NCAPH2: variants seen among roughly 807,000 people sequenced by gnomAD.
The protein encoded by NCAPH2 is condensin-2 complex subunit H2.
In NCAPH2, 56 loss-of-function variants were observed where a neutral mutation model predicts 88.6. The ratio of observed to expected loss-of-function variants is 0.63; its 90% CI spans 0.51 to 0.79. The LOEUF is 0.79. Ranked by LOEUF, NCAPH2 falls within the 30% of genes least tolerant of loss-of-function variation. The pLI, the probability that NCAPH2 is intolerant of heterozygous loss-of-function variation, is 0.00. For synonymous variants in NCAPH2, 378 were observed against 313.6 expected (o/e 1.21, Z -2.17); for missense variants, 794 against 792.0 (o/e 1.00, Z -0.03).
intron 2 of NCAPH2, 92 bp from the exon 3 acceptor site, chr22:50,517,335 C>T (rs932223632): frequency 1.3e-4 from 182 of 1,349,684 alleles, no homozygotes; most frequent in Non-Finnish European, 1.9e-4. Flanking sequence ...TGGTGGTGGC[C>T]AGGCCTCGTG....
At chr22:50,519,503 G>A (rs918635124) in intron 9 of NCAPH2, 183 bp downstream of exon 9, 40 of 1,431,402 alleles carry the variant, frequency 2.8e-5, no homozygotes, top group Middle Eastern at 5.2e-4. Flanking sequence ...AGCAGCTTCT[G>A]TGTTCCTCCC....
At position 50,522,884 on chromosome 22, in the gene NCAPH2, G is replaced by T; in HGVS notation, c.1489G>T (p.Asp497Tyr). 1 of 1,613,394 alleles carries T rather than the reference G, an allele frequency of 6.2e-7. No individual in the cohort carries two copies. Among genetic ancestry groups the T allele is most frequent in the South Asian group, 1.1e-5 (1 of 91,082 alleles). Reference sequence around the variant, plus strand: ...GACAGAGCTGAGCCAGCGCATCAGGGACTGGGAGGACACAGTGCAGCCTCT... The same window carrying T: ...GACAGAGCTGAGCCAGCGCATCAGGTACTGGGAGGACACAGTGCAGCCTCT... Reference protein sequence around the residue: ...QETELSQRIRDWEDTVQPLLQ... With the variant: ...QETELSQRIRYWEDTVQPLLQ... Residue 497 changes from aspartate (D) to tyrosine (Y), a missense_variant, in exon 18 of 20, where the codon GAC (aspartate) becomes TAC (tyrosine). Asp to Tyr is a radical substitution (Grantham distance 160). Transcript: ENST00000420993.
intron 9 of NCAPH2, 75 bp downstream of exon 9, chr22:50,519,395 C>T: frequency 1.3e-6 from 2 of 1,584,808 alleles, no homozygotes; most frequent in African/African-American, 1.3e-5. Context: ...AGTCACCTTG[C>T]ACAAGGAGGA....
chr22:50,522,263 C>G lies in NCAPH2; in HGVS notation c.1233+12C>G. The G allele has an allele frequency of 6.2e-7, 1 of 1,612,642 alleles. No individual in the cohort carries two copies. The highest frequency in any genetic ancestry group is 8.5e-7 in the Non-Finnish European group (1 of 1,179,318). ...TGCAGAGGAGGGAGGCAAGTCCCAGCTGGTCAGCTGTGATCTAGGACCCCG... is the reference window on the plus strand; with the variant it reads ...TGCAGAGGAGGGAGGCAAGTCCCAGGTGGTCAGCTGTGATCTAGGACCCCG... On this transcript the variant is annotated intron_variant, in intron 14 of 19. Coordinates refer to ENST00000420993, the MANE Select transcript of NCAPH2 (RefSeq NM_152299.4).
intron 1 of NCAPH2, chr22:50,515,790 A>G: frequency 1.5e-6 from 2 of 1,301,730 alleles, no homozygotes; most frequent in Non-Finnish European, 2.0e-6. Context: ...GTATGGAAGT[A>G]AAGTGTTTGG....
At chr22:50,518,357 T>C (rs2068988697) in intron 7 of NCAPH2, 79 bp downstream of exon 7, 2 of 1,552,700 alleles carry the variant, frequency 1.3e-6, no homozygotes, top group Admixed American at 1.9e-5. Flanking sequence ...TGCCCTGTGC[T>C]TGCCACCTCT....
chr22:50,523,328 C>A lies in NCAPH2; in HGVS notation c.1771C>A (p.His591Asn). ...SLRLLTHQRA[H>N]KRFQTYAAPS... ...GAGACTGCTCACGCACCAGCGAGCG[C>A]ACAAGCGCTTCCAGACCTACGCTGC... is the stretch of plus-strand genomic sequence containing the variant. Residue 591 changes from histidine to asparagine, a missense_variant, in exon 20 of 20, where the codon CAC (histidine) becomes AAC (asparagine). His to Asn is a moderately conservative substitution (Grantham distance 68, BLOSUM62 1). Around this residue, in one of 2 missense-constraint regions of NCAPH2, gnomAD observed 735 missense variants for 696.3 expected, o/e 1.06. Transcript: ENST00000420993. 1 of 1,576,668 alleles carries A rather than the reference C, an allele frequency of 6.3e-7. No individual in the cohort carries two copies.
Position 50,522,933 on chromosome 22 carries a change from G to A in NCAPH2, c.1527+11G>A, listed in dbSNP as rs769045090. ...CTGCTCCAGGAGCAGGTGAGGCGGG[G>A]CCGCTGGGAACCAGAGCTGTGTGCC... On this transcript the variant is annotated intron_variant, in intron 18 of 19. Coordinates refer to ENST00000420993, the MANE Select transcript of NCAPH2 (RefSeq NM_152299.4). The A allele has an allele frequency of 6.2e-7, 1 of 1,612,566 alleles. No individual in the cohort carries two copies. Among genetic ancestry groups the A allele is most frequent in the Non-Finnish European group, 8.5e-7 (1 of 1,179,894 alleles).
intron 8 of NCAPH2, 50 bp from the exon 9 acceptor site, chr22:50,519,140 T>C (rs370602486): frequency 4.3e-5 from 65 of 1,497,424 alleles, no homozygotes; most frequent in Non-Finnish European, 5.6e-5. Context: ...TTTGGTGCCG[T>C]CTGGTCTCGG....
chr22:50,522,649 G>C, intron 16 of NCAPH2, 22 bp from the exon 17 acceptor site: 1 of 1,613,686 alleles, frequency 6.2e-7, no homozygotes, highest in Non-Finnish European at 8.5e-7. Flanking sequence ...TAGCTGCCCA[G>C]CTCACAGCTA....
chr22:50,523,130 C>T lies in NCAPH2; in HGVS notation c.1641C>T (p.Phe547=), dbSNP rs751011182. 1.4e-5 allele frequency: 23 copies of T among 1,613,454 alleles called. No homozygotes were observed. The highest frequency in any genetic ancestry group is 1.6e-4 in the Middle Eastern group (1 of 6,082). ...FAELVAGQPA[F]EVCRSMLASL... is the part of the protein sequence containing the mutation. Reference sequence around the variant, plus strand: ...AGCTGGTGGCTGGCCAGCCGGCCTTCGAGGTGTGTCGTTCCATGCTGGCCT... The same window carrying T: ...AGCTGGTGGCTGGCCAGCCGGCCTTTGAGGTGTGTCGTTCCATGCTGGCCT... Residue 547 remains phenylalanine (F), a synonymous_variant, in exon 19 of 20, where the codon TTC becomes TTT. Coordinates refer to ENST00000420993, the MANE Select transcript of NCAPH2 (RefSeq NM_152299.4).
Position 50,523,450 on chromosome 22 carries a change from A to C in NCAPH2, c.*75A>C. On this transcript the variant is annotated 3_prime_UTR_variant, in exon 20 of 20. Coordinates refer to ENST00000420993, the MANE Select transcript of NCAPH2 (RefSeq NM_152299.4). ...TGTCTGCTCCTGGCTGGCCCGGCCT[A>C]ATAAAGCAGTGTTGCCATCTCATCT... The C allele has an allele frequency of 6.6e-7, 1 of 1,525,346 alleles. No individual in the cohort carries two copies. Among genetic ancestry groups the C allele is most frequent in the Non-Finnish European group, 8.8e-7 (1 of 1,135,082 alleles). 94.5% of individuals were successfully genotyped at this position (1,525,346 alleles called of 1,614,324 possible). A position where few individuals can be genotyped will look rare whatever the true frequency, so the allele number is the denominator to read the frequency against.
rs767809670 is a variant in NCAPH2 at position 50,523,684 on chromosome 22, C to T, written c.*309C>T. ...TGAGATCTGCTCAGCCGATCTGCTC[C>T]GGCCGTAGTAATCCGTGAAGAGGCC... On this transcript the variant is annotated 3_prime_UTR_variant, in exon 20 of 20. Coordinates refer to ENST00000420993, the MANE Select transcript of NCAPH2 (RefSeq NM_152299.4). 26 of 1,614,006 alleles carry T rather than the reference C, an allele frequency of 1.6e-5. No homozygotes were observed. The highest frequency in any genetic ancestry group is 8.9e-5 in the East Asian group (4 of 44,898).
At position 50,524,365 on chromosome 22, in the gene NCAPH2, T is replaced by C. The variant is rs774783982; in HGVS notation, c.*990T>C. On this transcript the variant is annotated 3_prime_UTR_variant, in exon 20 of 20. Transcript: ENST00000420993. Reference sequence around the variant, plus strand: ...CCCAGGGAGGACCCGAGGCTTGAGCTGAGAGAGCCTGTGCCAAGCTGTGGG... The same window carrying C: ...CCCAGGGAGGACCCGAGGCTTGAGCCGAGAGAGCCTGTGCCAAGCTGTGGG... 1 of 1,602,390 alleles carries C rather than the reference T, an allele frequency of 6.2e-7. No homozygotes were observed. The highest frequency in any genetic ancestry group is 1.7e-5 in the Admixed American group (1 of 60,006).
chr22:50,513,552 A>T (rs562987777), intron 1 of NCAPH2, among the ~76,000 whole-genome samples: 2 of 152,352 alleles, frequency 1.3e-5, no homozygotes, highest in South Asian at 4.1e-4. Flanking sequence ...TGAGGTCAGG[A>T]GTTCGAGATG....
chr22:50,518,812 C>G, intron 8 of NCAPH2, 80 bp downstream of exon 8: 1 of 1,355,796 alleles, frequency 7.4e-7, no homozygotes, highest in East Asian at 2.5e-5. Context: ...GGACAGGGCT[C>G]CAAGGGGCTG....
At position 50,510,868 on chromosome 22, in the gene NCAPH2, A is replaced by G. The variant is rs144046314; in HGVS notation, c.108+2423A>G. 4.2e-3 allele frequency among the ~76,000 whole-genome samples: 628 copies of G among 149,762 alleles called. 9 individuals carry two copies. The highest frequency in any genetic ancestry group is 0.015 in the African/African-American group (602 of 40,682). On this transcript the variant is annotated intron_variant, in intron 1 of 19. Coordinates refer to ENST00000420993, the MANE Select transcript of NCAPH2 (RefSeq NM_152299.4). The stretch of plus-strand genomic sequence containing the variant: ...CATTTAAATTTTTTTTTTTTTTGAG[A>G]TGGAGTCTTACTCTGTCGCCCAGGC...
chr22:50,516,643 GT>G, intron 2 of NCAPH2, 95 bp downstream of exon 2: 1 of 1,053,824 alleles, frequency 9.5e-7, no homozygotes, highest in Non-Finnish European at 1.4e-6. Flanking sequence ...CGTCCCGTCT[GT>G]GACCTACCTC....
In NCAPH2 at chr22:50,517,807, A is replaced by G; in HGVS notation, c.418A>G (p.Ser140Gly). 1 of 1,613,854 alleles carries G rather than the reference A, an allele frequency of 6.2e-7. No homozygotes were observed. The highest frequency in any genetic ancestry group is 8.5e-7 in the Non-Finnish European group (1 of 1,179,988). ...GGATCTCAAGAATGATCAGACGCCC[A>G]GTGTGAGTCCTGGCCTGGCCCCTCT... ...NVDLKNDQTP[S>G]EVLIIPLLPM... The change falls in exon 5 of 20, where the codon AGT becomes GGT. Residue 140 changes from serine to glycine, a missense_variant and splice_region_variant. By Grantham distance (56) the Ser-to-Gly change is moderately conservative. Around this residue, in one of 2 missense-constraint regions of NCAPH2, gnomAD observed 735 missense variants for 696.3 expected, o/e 1.06. Coordinates refer to ENST00000420993, the MANE Select transcript of NCAPH2 (RefSeq NM_152299.4).
Sources: allele counts gnomAD v4.1 joint callset (sites outside exome capture counted in the v4.1 genomes callset), GRCh38; gene constraint gnomAD v4.1.1; regional missense constraint gnomAD v4.1.1; transcripts MANE v1.5; gene names NCBI Gene and HGNC (gene_info 2026-07-23, HGNC 2026-07-21).